ADGRB2: variants seen among roughly 807,000 people sequenced by gnomAD.
ADGRB2 encodes brain-specific angiogenesis inhibitor 2.
ADGRB2 carries 47 observed loss-of-function variants against 178.7 expected under a neutral mutation model. The observed-to-expected ratio is 0.26, with a 90% CI of 0.21 to 0.34. ADGRB2 has a LOEUF of 0.34. Ranked by LOEUF, ADGRB2 falls within the 10% of genes least tolerant of loss-of-function variation. The probability of loss-of-function intolerance (pLI) is 1.00; values close to 1 mark genes in which losing one functional copy is unlikely to be tolerated. For missense variants in ADGRB2, 1,584 were observed against 2,180.8 expected, an observed-to-expected ratio of 0.73 and a Z score of 5.45; for synonymous variants, 870 against 912.4, an observed-to-expected ratio of 0.95 and a Z score of 0.84.
Position 31,728,647 on chromosome 1 carries a change from A to C in ADGRB2, c.4381-14T>G, listed in dbSNP as rs910406335. The C allele has an allele frequency of 6.2e-7, 1 of 1,613,936 alleles. No homozygotes were observed. The highest frequency in any genetic ancestry group is 1.1e-5 in the South Asian group (1 of 91,078). Reference sequence around the variant, plus strand: ...TAATTTCTTTCGCTGGGAAGGAGCAACAAGGAGGCAATGGAGGAGAAGAAA... The same window carrying C: ...TAATTTCTTTCGCTGGGAAGGAGCACCAAGGAGGCAATGGAGGAGAAGAAA... On this transcript the variant is annotated splice_polypyrimidine_tract_variant and intron_variant, in intron 29 of 32. Transcript: ENST00000373658. This position sits in a 1 kb window ranked among gnomAD's most constrained non-coding sequence, Gnocchi z 6.7.
chr1:31,744,470 C>A lies in ADGRB2; in HGVS notation c.923-113G>T. The stretch of plus-strand genomic sequence containing the variant: ...GCAGGCATCAGAGGGCTCCTCCTAC[C>A]CTGACCCCAAGTAACAGGCTCTTCA... On this transcript the variant is annotated intron_variant, in intron 5 of 32. Transcript: ENST00000373658. This position sits in a 1 kb window ranked among gnomAD's most constrained non-coding sequence, Gnocchi z 6.7. 1 of 1,474,562 alleles carries A rather than the reference C, an allele frequency of 6.8e-7. No homozygotes were observed. Among genetic ancestry groups the A allele is most frequent in the South Asian group, 1.2e-5 (1 of 80,492 alleles). 91.3% of individuals were successfully genotyped at this position (1,474,562 alleles called of 1,614,324 possible). A position where few individuals can be genotyped will look rare whatever the true frequency, so the allele number is the denominator to read the frequency against.
chr1:31,728,354 AC>A lies in ADGRB2; in HGVS notation c.4417-75del. On this transcript the variant is annotated intron_variant, in intron 30 of 32. Transcript: ENST00000373658. This position sits in a 1 kb window ranked among gnomAD's most constrained non-coding sequence, Gnocchi z 6.7. ...ATCCCCCCTACCCAGGGCACTCAGC[AC>A]CCCAAGCCCCCCACATCCCTCCCTG... The A allele has an allele frequency of 1.3e-6, 2 of 1,485,836 alleles. No individual in the cohort carries two copies. Among genetic ancestry groups the A allele is most frequent in the Non-Finnish European group, 9.3e-7 (1 of 1,078,888 alleles). 92.0% of individuals were successfully genotyped at this position (1,485,836 alleles called of 1,614,324 possible).
At position 31,743,007 on chromosome 1, in the gene ADGRB2, A is replaced by G; in HGVS notation, c.1088-5T>C. ...ACTCCTCCCACACGCCGTGCACTGC[A>G]AGGAAGCACGTGGCCGGTGGCTGGG... is the stretch of plus-strand genomic sequence containing the variant. On this transcript the variant is annotated splice_region_variant and splice_polypyrimidine_tract_variant and intron_variant, in intron 6 of 32. Transcript: ENST00000373658. 1.4e-6 allele frequency: 2 copies of G among 1,455,390 alleles called. No homozygotes were observed. Among genetic ancestry groups the G allele is most frequent in the Non-Finnish European group, 1.8e-6 (2 of 1,098,174 alleles). 90.2% of individuals were successfully genotyped at this position (1,455,390 alleles called of 1,614,324 possible). A position where few individuals can be genotyped will look rare whatever the true frequency, so the allele number is the denominator to read the frequency against.
Position 31,740,200 on chromosome 1 carries a change from G to A in ADGRB2, c.1990-22C>T. The stretch of plus-strand genomic sequence containing the variant: ...AGCGCTGAGGAGAGAGCAATGAGTG[G>A]CAGGGGGTCCTAGCCCCAGGGAACA... On this transcript the variant is annotated intron_variant, in intron 12 of 32. Coordinates refer to ENST00000373658, the MANE Select transcript of ADGRB2 (RefSeq NM_001364857.2). The surrounding 1 kb of genome is among the most constrained non-coding windows in gnomAD (Gnocchi z 5.9). 8.7e-6 allele frequency: 14 copies of A among 1,613,866 alleles called. No homozygotes were observed. The highest frequency in any genetic ancestry group is 1.2e-5 in the Non-Finnish European group (14 of 1,179,960).
chr1:31,746,068 G>A (rs1646255100), intron 4 of ADGRB2, among the ~76,000 whole-genome samples: 2 of 152,170 alleles, frequency 1.3e-5, no homozygotes, highest in South Asian at 4.1e-4. Flanking sequence ...GATCCCAAAT[G>A]GGGTGTGGAC....
At chr1:31,742,798 C>G in intron 7 of ADGRB2, 40 bp downstream of exon 7, 1 of 1,388,002 alleles carries the variant, frequency 7.2e-7, no homozygotes, top group Non-Finnish European at 9.4e-7. Flanking sequence ...CCCCACCGGG[C>G]TGGGCAGCGC....
Position 31,735,356 on chromosome 1 carries a change from G to A in ADGRB2, c.3354-75C>T, listed in dbSNP as rs1233192062. ...CGGGAGATGGGGCAGAATGAGCCCC[G>A]AGTGGGGTGGGAGGGGAGGGCAGAC... On this transcript the variant is annotated intron_variant, in intron 24 of 32. Transcript: ENST00000373658. This position sits in a 1 kb window ranked among gnomAD's most constrained non-coding sequence, Gnocchi z 6.0. The A allele has an allele frequency of 9.4e-6, 10 of 1,061,828 alleles. No individual in the cohort carries two copies. The highest frequency in any genetic ancestry group is 6.3e-5 in the African/African-American group (4 of 63,460). The allele number at this position is 1,061,828 out of a possible 1,614,324, so 65.8% of individuals were successfully genotyped here.
chr1:31,742,067 T>G lies in ADGRB2; in HGVS notation c.1403A>C (p.Asn468Thr), dbSNP rs775446619. The G allele has an allele frequency of 1.1e-5, 18 of 1,610,362 alleles. No individual in the cohort carries two copies. Among genetic ancestry groups the G allele is most frequent in the Non-Finnish European group, 1.4e-5 (16 of 1,178,138 alleles). The change falls in exon 8 of 33, where the codon AAC becomes ACC. Residue 468 changes from asparagine (N) to threonine (T), a missense_variant. Asn to Thr is a moderately conservative substitution (Grantham distance 65). Around this residue, in one of 3 missense-constraint regions of ADGRB2, gnomAD observed 657 missense variants for 847.6 expected, o/e 0.78. Coordinates refer to ENST00000373658, the MANE Select transcript of ADGRB2 (RefSeq NM_001364857.2). ...CAAGCACTCACCCGGGCACTCGAGG[T>G]TGCTGCACTCCCGGGTGTCAGTGAG... is the stretch of plus-strand genomic sequence containing the variant. ...GALTDTRECSNLECPATDSKW... is the reference protein window; with the variant it reads ...GALTDTRECSTLECPATDSKW...
At position 31,741,682 on chromosome 1, in the gene ADGRB2, C is replaced by T. The variant is rs750260742; in HGVS notation, c.1629G>A (p.Thr543=). ...MCRDEYVMLM[T]WKKAAAGEII... Reference sequence around the variant, plus strand: ...TCTCGCCAGCAGCTGCCTTCTTCCACGTCATCAGCATCACGTACTCATCCC... The same window carrying T: ...TCTCGCCAGCAGCTGCCTTCTTCCATGTCATCAGCATCACGTACTCATCCC... The change falls in exon 10 of 33, where the codon ACG becomes ACA. Residue 543 remains threonine, a synonymous_variant. Coordinates refer to ENST00000373658, the MANE Select transcript of ADGRB2 (RefSeq NM_001364857.2). This position sits in a 1 kb window ranked among gnomAD's most constrained non-coding sequence, Gnocchi z 6.5. The T allele has an allele frequency of 1.9e-6, 3 of 1,614,064 alleles. No individual in the cohort carries two copies. The highest frequency in any genetic ancestry group is 2.5e-6 in the Non-Finnish European group (3 of 1,179,978).
intron 27 of ADGRB2, 108 bp from the exon 28 acceptor site, chr1:31,732,262 G>A: frequency 6.7e-7 from 1 of 1,493,422 alleles, no homozygotes; most frequent in South Asian, 1.2e-5. Context: ...GCCTGCCTTA[G>A]GGCTGCCCAT....
rs1383120080 is a variant in ADGRB2 at position 31,740,732 on chromosome 1, C to T, written c.1795-191G>A. Among the ~76,000 whole-genome samples, 1 of 151,946 alleles carries T rather than the reference C, an allele frequency of 6.6e-6. No individual in the cohort carries two copies. Reference sequence around the variant, plus strand: ...AGACTCATAGAGAGAGAGAGAATCCCAAAGGGTACTTTAAAAAAGACTGAA... The same window carrying T: ...AGACTCATAGAGAGAGAGAGAATCCTAAAGGGTACTTTAAAAAAGACTGAA... On this transcript the variant is annotated intron_variant, in intron 11 of 32. Transcript: ENST00000373658. The surrounding 1 kb of genome is among the most constrained non-coding windows in gnomAD (Gnocchi z 5.9).
At position 31,744,640 on chromosome 1, in the gene ADGRB2, C is replaced by T. The variant is rs377134550; in HGVS notation, c.922+8G>A. The T allele has an allele frequency of 1.5e-5, 24 of 1,613,756 alleles. No homozygotes were observed. The highest frequency in any genetic ancestry group is 2.7e-5 in the African/African-American group (2 of 74,920). On this transcript the variant is annotated splice_region_variant and intron_variant, in intron 5 of 32. Coordinates refer to ENST00000373658, the MANE Select transcript of ADGRB2 (RefSeq NM_001364857.2). The surrounding 1 kb of genome is among the most constrained non-coding windows in gnomAD (Gnocchi z 6.7). ...CGCCGCAGAGGAAGGGAGGCGGGCC[C>T]GAGTTACCTGTCTGCGCCATGTATA...
At position 31,753,219 on chromosome 1, in the gene ADGRB2, G is replaced by A. The variant is rs2149037458; in HGVS notation, c.838+2780C>T. On this transcript the variant is annotated intron_variant, in intron 4 of 32. Coordinates refer to ENST00000373658, the MANE Select transcript of ADGRB2 (RefSeq NM_001364857.2). The surrounding 1 kb of genome is among the most constrained non-coding windows in gnomAD (Gnocchi z 4.1). ...AGCCTCCGTGCCAGTCCTCCACCAAGCTCCTTCCTGCCTGCCTTTCTTTTC... is the reference window on the plus strand; with the variant it reads ...AGCCTCCGTGCCAGTCCTCCACCAAACTCCTTCCTGCCTGCCTTTCTTTTC... Among the ~76,000 whole-genome samples the A allele has an allele frequency of 6.6e-6, 1 of 152,344 alleles. No homozygotes were observed. The highest frequency in any genetic ancestry group is 2.4e-5 in the African/African-American group (1 of 41,580).
intron 16 of ADGRB2, 99 bp from the exon 17 acceptor site, chr1:31,738,729 C>T (rs1645767276): frequency 5.0e-6 from 8 of 1,594,882 alleles, no homozygotes; most frequent in Non-Finnish European, 1.7e-6. Context: ...CACACAGGTC[C>T]AGGGTTCAGC....
Position 31,755,235 on chromosome 1 carries a change from C to A in ADGRB2, c.838+764G>T, listed in dbSNP as rs1646772205. On this transcript the variant is annotated intron_variant, in intron 4 of 32. Transcript: ENST00000373658. This position sits in a 1 kb window ranked among gnomAD's most constrained non-coding sequence, Gnocchi z 5.1. ...TGAGGCCCTCAGGGCCTTGAAGCTG[C>A]AGGAAGCAGGGTCTGTAGAAGGCAG... is the stretch of plus-strand genomic sequence containing the variant. Among the ~76,000 whole-genome samples, 1 of 152,224 alleles carries A rather than the reference C, an allele frequency of 6.6e-6. No homozygotes were observed. The highest frequency in any genetic ancestry group is 6.5e-5 in the Admixed American group (1 of 15,290).
In ADGRB2 at chr1:31,738,580, A is replaced by G. The variant is rs1354642229; in HGVS notation, c.2645+7T>C. The G allele has an allele frequency of 6.2e-7, 1 of 1,607,052 alleles. No homozygotes were observed. The highest frequency in any genetic ancestry group is 8.5e-7 in the Non-Finnish European group (1 of 1,176,660). ...CCTTCCTCACCCAGAGGAGCCACCC[A>G]ACTCACGCTCTGGAGTAGTCCCAGC... On this transcript the variant is annotated splice_region_variant and intron_variant, in intron 17 of 32. Transcript: ENST00000373658.
At position 31,742,089 on chromosome 1, in the gene ADGRB2, T is replaced by C. The variant is rs766544931; in HGVS notation, c.1381A>G (p.Thr461Ala). The stretch of plus-strand genomic sequence containing the variant: ...AGGTTGCTGCACTCCCGGGTGTCAG[T>C]GAGGGCACCCGTGCATGTGGCCCAG... ...PAWATCTGALTDTRECSNLEC... is the reference protein window; with the variant it reads ...PAWATCTGALADTRECSNLEC... Residue 461 changes from threonine to alanine, a missense_variant, in exon 8 of 33, where the codon ACT becomes GCT. This residue lies in a region of ADGRB2 where 657 missense variants were observed against 847.6 expected (regional missense o/e 0.78). Coordinates refer to ENST00000373658, the MANE Select transcript of ADGRB2 (RefSeq NM_001364857.2). The C allele has an allele frequency of 6.2e-7, 1 of 1,612,618 alleles. No homozygotes were observed. Among genetic ancestry groups the C allele is most frequent in the Admixed American group, 1.7e-5 (1 of 59,902 alleles).
Position 31,741,554 on chromosome 1 carries a change from C to A in ADGRB2, c.1687+70G>T. 6.3e-7 allele frequency: 1 copy of A among 1,594,514 alleles called. No individual in the cohort carries two copies. ...CACACTCCTCCGTATCTCAGAGAGG[C>A]TGGGGGCGCAGAAGGGGGCAATGAG... is the stretch of plus-strand genomic sequence containing the variant. On this transcript the variant is annotated intron_variant, in intron 10 of 32. Coordinates refer to ENST00000373658, the MANE Select transcript of ADGRB2 (RefSeq NM_001364857.2). This position sits in a 1 kb window ranked among gnomAD's most constrained non-coding sequence, Gnocchi z 6.5.
Position 31,728,361 on chromosome 1 carries a change from GC to G in ADGRB2, c.4417-82del. The stretch of plus-strand genomic sequence containing the variant: ...CTACCCAGGGCACTCAGCACCCCAA[GC>G]CCCCCACATCCCTCCCTGCTGCCAG... On this transcript the variant is annotated intron_variant, in intron 30 of 32. Transcript: ENST00000373658. The surrounding 1 kb of genome is among the most constrained non-coding windows in gnomAD (Gnocchi z 6.7). 1 of 1,447,878 alleles carries G rather than the reference GC, an allele frequency of 6.9e-7. No individual in the cohort carries two copies. The highest frequency in any genetic ancestry group is 1.2e-5 in the South Asian group (1 of 85,570). 89.7% of individuals were successfully genotyped at this position (1,447,878 alleles called of 1,614,324 possible). A position where few individuals can be genotyped will look rare whatever the true frequency, so the allele number is the denominator to read the frequency against.
Sources: gnomAD v4.1 joint callset for allele counts (sites outside exome capture counted in the v4.1 genomes callset) on GRCh38, gnomAD v4.1.1 for gene constraint, gnomAD v4.1.1 regional missense constraint, Gnocchi (gnomAD v3.1) non-coding constraint, MANE v1.5 for transcripts, NCBI Gene and HGNC (gene_info 2026-07-23, HGNC 2026-07-21) for gene names.